The following CEP112 variants were observed in gnomAD, a reference collection of about 807,000 sequenced individuals.
CEP112 encodes the protein centrosomal protein 112.
CEP112 carries 127 observed loss-of-function variants against 153.0 expected under a neutral mutation model. The ratio of observed to expected loss-of-function variants is 0.83; its 90% CI spans 0.72 to 0.96. The LOEUF (loss-of-function observed/expected upper bound fraction) is 0.96, where lower values mean the gene tolerates loss of function less well. Among genes scored for constraint, CEP112 ranks in the 40% least tolerant of loss-of-function variants. CEP112 has a pLI of 0.00. For synonymous variants in CEP112, 358 were observed against 374.4 expected (o/e 0.96, Z 0.51); for missense variants, 1,089 against 1,101.2 (o/e 0.99, Z 0.16).
At chr17:65,770,244 T>C (rs551049462) in intron 21 of CEP112, among the ~76,000 whole-genome samples, 1 of 151,828 alleles carries the variant, frequency 6.6e-6, no homozygotes, top group Non-Finnish European at 1.5e-5. Context: ...TATAAAATCT[T>C]ATAAGAAGCC....
intron 18 of CEP112, among the ~76,000 whole-genome samples, chr17:65,928,778 C>T (rs548155217): frequency 6.6e-6 from 1 of 152,034 alleles, no homozygotes; most frequent in Non-Finnish European, 1.5e-5. Context: ...GCAGCAGGAT[C>T]GCTTAAGCCC....
At chr17:65,852,195 C>A (rs1379105631) in intron 20 of CEP112, among the ~76,000 whole-genome samples, 161 bp from the exon 21 acceptor site, 1 of 140,378 alleles carries the variant, frequency 7.1e-6, no homozygotes, top group Non-Finnish European at 1.5e-5. Flanking sequence ...CTCCCTCTTT[C>A]CCTCTCCCTT....
chr17:65,743,731 A>C (rs573103373), intron 22 of CEP112, among the ~76,000 whole-genome samples: 1 of 151,932 alleles, frequency 6.6e-6, no homozygotes, highest in Non-Finnish European at 1.5e-5. Flanking sequence ...ACTGTGAAAC[A>C]GGTATTATTA....
At chr17:65,830,394 A>C (rs112470080) in intron 21 of CEP112, among the ~76,000 whole-genome samples, 6 of 152,332 alleles carry the variant, frequency 3.9e-5, no homozygotes, top group African/African-American at 1.4e-4. Context: ...TTCAGTTTCC[A>C]AGGTAAGAGG....
At chr17:65,669,885 A>C (rs1042620664) in intron 24 of CEP112, among the ~76,000 whole-genome samples, 3 of 150,118 alleles carry the variant, frequency 2.0e-5, no homozygotes, top group African/African-American at 4.9e-5. Context: ...CCTGGGCGAC[A>C]GAGCGAGACT....
intron 23 of CEP112, among the ~76,000 whole-genome samples, chr17:65,720,687 T>C (rs1024260645): frequency 6.6e-6 from 1 of 152,230 alleles, no homozygotes; most frequent in African/African-American, 2.4e-5. Context: ...ATTTATTTAA[T>C]ATGGGTTACA....
intron 24 of CEP112, among the ~76,000 whole-genome samples, chr17:65,679,752 C>T (rs1460106296): frequency 6.6e-6 from 1 of 152,168 alleles, no homozygotes; most frequent in African/African-American, 2.4e-5. Flanking sequence ...GTGCTATCCA[C>T]TGAAAGCTTT....
chr17:65,970,135 T>TTATGTATTTTGCATGTGTA (rs1297848300), intron 17 of CEP112, among the ~76,000 whole-genome samples: 1 of 152,204 alleles, frequency 6.6e-6, no homozygotes, highest in African/African-American at 2.4e-5. Flanking sequence ...TATATTGCAT[T>TTATGTATTTTGCATGTGTA]TATGTATTTT....
At chr17:66,108,434 G>A (rs749607705) in intron 6 of CEP112, among the ~76,000 whole-genome samples, 9 of 151,948 alleles carry the variant, frequency 5.9e-5, no homozygotes, top group Admixed American at 1.3e-4. Context: ...CCAATAATCC[G>A]ACTTGAAAAT....
chr17:65,659,426 C>G (rs1204527691), intron 24 of CEP112, among the ~76,000 whole-genome samples: 1 of 152,170 alleles, frequency 6.6e-6, no homozygotes, highest in Non-Finnish European at 1.5e-5. Flanking sequence ...GAAGGCATGT[C>G]TTGCCAGATA....
chr17:65,832,573 AC>A (rs1948389644), intron 21 of CEP112, among the ~76,000 whole-genome samples: 1 of 152,022 alleles, frequency 6.6e-6, no homozygotes, highest in South Asian at 2.1e-4. Context: ...TCCTATGAAC[AC>A]CCCTATGCAT....
In CEP112 at chr17:66,069,933, A is replaced by G. The variant is rs1381628650; in HGVS notation, c.837T>C (p.His279=). 2 of 1,602,190 alleles carry G rather than the reference A, an allele frequency of 1.2e-6. No individual in the cohort carries two copies. The change falls in exon 9 of 27, where the codon CAT becomes CAC. Residue 279 remains histidine (H), a synonymous_variant. Coordinates refer to ENST00000535342, the MANE Select transcript of CEP112 (RefSeq NM_001199165.4). ...ATCCTACCTTCTGAACATCAGCATC[A>G]TGTTTCTGTTGCAGTTTAAGCTTTT... ...HEEKLKLQQK[H]DADVQKILER...
intron 25 of CEP112, among the ~76,000 whole-genome samples, chr17:65,640,156 T>TATATATATATATATATATA (rs1567796006): frequency 4.6e-4 from 15 of 32,322 alleles, no homozygotes; most frequent in African/African-American, 3.0e-3. Flanking sequence ...ATATATATAT[T>TATATATATATATATATATA]TTTTTTTTTT....
At chr17:66,094,031 T>C (rs1371390607) in intron 8 of CEP112, among the ~76,000 whole-genome samples, 1 of 152,028 alleles carries the variant, frequency 6.6e-6, no homozygotes, top group Non-Finnish European at 1.5e-5. Context: ...ATACATTTAG[T>C]GTCAACTGAT....
At chr17:65,820,954 A>T (rs550690086) in intron 21 of CEP112, among the ~76,000 whole-genome samples, 1 of 152,248 alleles carries the variant, frequency 6.6e-6, no homozygotes, top group East Asian at 1.9e-4. Flanking sequence ...TAGGATGTCT[A>T]CTGATCTGTT....
At chr17:66,035,749 G>A (rs1458150360) in intron 12 of CEP112, among the ~76,000 whole-genome samples, 1 of 152,172 alleles carries the variant, frequency 6.6e-6, no homozygotes, top group East Asian at 1.9e-4. Flanking sequence ...TCTCCTGGAT[G>A]GACAGAACAG....
chr17:65,950,388 G>C (rs1412093259), intron 18 of CEP112, among the ~76,000 whole-genome samples: 1 of 151,964 alleles, frequency 6.6e-6, no homozygotes, highest in Non-Finnish European at 1.5e-5. Flanking sequence ...CACTTACTTA[G>C]ATCTTTTTAA....
rs1229442834 is a variant in CEP112, at chr17:65,851,843, T to C, written c.2355A>G (p.Lys785=). Residue 785 remains lysine, a synonymous_variant, in exon 21 of 27, where the codon AAA becomes AAG. Transcript: ENST00000535342. ...AESEKMKIEL[K]KTHAAETEMT... ...TCTCTGTCTCAGCAGCATGAGTCTT[T>C]TTCAGCTCTATTTTCATCTTTTCTG... is the stretch of plus-strand genomic sequence containing the variant. The C allele has an allele frequency of 1.2e-6, 2 of 1,614,126 alleles. No homozygotes were observed. The highest frequency in any genetic ancestry group is 1.7e-5 in the Admixed American group (1 of 60,018).
At chr17:66,054,959 T>A (rs1328427258) in intron 11 of CEP112, among the ~76,000 whole-genome samples, 1 of 152,090 alleles carries the variant, frequency 6.6e-6, no homozygotes, top group Non-Finnish European at 1.5e-5. Context: ...GGTTTCACCA[T>A]GTTGGTCAGC....
Sources: allele counts gnomAD v4.1 joint callset (sites outside exome capture counted in the v4.1 genomes callset), GRCh38; gene constraint gnomAD v4.1.1; transcripts MANE v1.5; gene names NCBI Gene and HGNC (gene_info 2026-07-23, HGNC 2026-07-21).